The following PTPRT variants were observed in gnomAD, a reference collection of about 807,000 sequenced individuals.
PTPRT encodes the protein receptor-type tyrosine-protein phosphatase T.
PTPRT carries 56 observed loss-of-function variants against 176.8 expected under a neutral mutation model. The ratio of observed to expected loss-of-function variants is 0.32; its 90% CI spans 0.26 to 0.40. PTPRT has a LOEUF of 0.40. Ranked by LOEUF, PTPRT falls within the 10% of genes least tolerant of loss-of-function variation. PTPRT has a pLI of 1.00. For synonymous variants in PTPRT, 783 were observed against 739.0 expected, an observed-to-expected ratio of 1.06 and a Z score of -0.96; for missense variants, 1,540 against 1,908.2, an observed-to-expected ratio of 0.81 and a Z score of 3.60.
chr20:43,054,042 G>C (rs554142991), intron 1 of PTPRT, among the ~76,000 whole-genome samples: 1 of 152,186 alleles, frequency 6.6e-6, no homozygotes, highest in Admixed American at 6.5e-5. Flanking sequence ...TCAAACTCCA[G>C]AGTTGAAAAC....
intron 9 of PTPRT, among the ~76,000 whole-genome samples, chr20:42,428,409 G>A (rs2059185749): frequency 6.6e-6 from 1 of 152,200 alleles, no homozygotes; most frequent in South Asian, 2.1e-4. Context: ...TTTACAGACA[G>A]CCCTGTCCAT....
Position 42,299,713 on chromosome 20 carries a change from T to C in PTPRT, c.2139+16010A>G, listed in dbSNP as rs7362382. ...CCCAGGCTGGAGTGCAGTGGCGCTA[T>C]CTCATCTCACTGCAGCCTCCGCCTT... On this transcript the variant is annotated intron_variant, in intron 12 of 30. Coordinates refer to ENST00000373187, the MANE Select transcript of PTPRT (RefSeq NM_007050.6). Among the ~76,000 whole-genome samples the C allele has an allele frequency of 3.8e-3, 530 of 139,320 alleles. 3 individuals carry two copies. Among genetic ancestry groups the C allele is most frequent in the African/African-American group, 0.013 (484 of 37,146 alleles). 91.4% of individuals were successfully genotyped at this position (139,320 alleles called of 152,430 possible).
At chr20:42,869,686 G>A (rs938885788) in intron 2 of PTPRT, among the ~76,000 whole-genome samples, 9 of 152,178 alleles carry the variant, frequency 5.9e-5, no homozygotes, top group Non-Finnish European at 1.3e-4. Context: ...GCTGATACAG[G>A]AGTAAGACTT....
intron 1 of PTPRT, among the ~76,000 whole-genome samples, chr20:42,972,042 A>G (rs549723753): frequency 3.4e-4 from 52 of 151,602 alleles, no homozygotes; most frequent in South Asian, 1.0e-3. Flanking sequence ...TGACGTGGTT[A>G]TATGACAGTG....
At chr20:42,175,658 T>C (rs1432030500) in intron 16 of PTPRT, among the ~76,000 whole-genome samples, 1 of 147,186 alleles carries the variant, frequency 6.8e-6, no homozygotes, top group Non-Finnish European at 1.5e-5. Context: ...TTCTGTGTTT[T>C]TTTGCAAGTA....
the PTPRT span, among the ~76,000 whole-genome samples, chr20:42,033,318 G>A: frequency 6.6e-6 from 1 of 152,056 alleles, no homozygotes; most frequent in Non-Finnish European, 1.5e-5. Context: ...CTGCCTCAGG[G>A]GTTTTAATTT....
intron 7 of PTPRT, among the ~76,000 whole-genome samples, chr20:42,490,765 C>G (rs954025496): frequency 1.3e-5 from 2 of 152,034 alleles, no homozygotes; most frequent in African/African-American, 4.8e-5. Flanking sequence ...TCTCCCTGCT[C>G]CAAAAAGGAA....
At chr20:42,670,203 G>T (rs867717822) in intron 7 of PTPRT, among the ~76,000 whole-genome samples, 52 of 152,130 alleles carry the variant, frequency 3.4e-4, no homozygotes, top group African/African-American at 1.0e-3. Context: ...CCAGGCCTAA[G>T]ATTTATTTCT....
At chr20:42,310,630 T>A (rs900336451) in intron 12 of PTPRT, among the ~76,000 whole-genome samples, 1 of 152,236 alleles carries the variant, frequency 6.6e-6, no homozygotes, top group Non-Finnish European at 1.5e-5. Flanking sequence ...TGGAGATTTT[T>A]TTTTTGGCTT....
Position 42,110,492 on chromosome 20 carries a change from G to GGAAA in PTPRT, c.3100-9_3100-6dup. 1 of 1,596,472 alleles carries GGAAA rather than the reference G, an allele frequency of 6.3e-7. No homozygotes were observed. Among genetic ancestry groups the GGAAA allele is most frequent in the Non-Finnish European group, 8.6e-7 (1 of 1,169,376 alleles). ...CCGGATCTCATGGTAGCCTTTCTGA[G>GGAAA]GAAAGAACGGGCCTCTGTTCTTCCA... On this transcript the variant is annotated splice_region_variant and splice_polypyrimidine_tract_variant and intron_variant, in intron 22 of 30. Transcript: ENST00000373187.
intron 6 of PTPRT, among the ~76,000 whole-genome samples, chr20:42,742,268 C>G (rs1303984969): frequency 6.6e-6 from 1 of 152,216 alleles, no homozygotes; most frequent in East Asian, 1.9e-4. Context: ...GGGTATCTGT[C>G]CACTGCATAG....
chr20:42,738,293 C>T (rs2076565940), intron 6 of PTPRT, among the ~76,000 whole-genome samples: 1 of 152,052 alleles, frequency 6.6e-6, no homozygotes. Context: ...GAGTGGATCA[C>T]TTAAGGGCAG....
chr20:42,469,722 G>C (rs913288073), intron 8 of PTPRT, among the ~76,000 whole-genome samples: 1 of 150,326 alleles, frequency 6.7e-6, no homozygotes, highest in Non-Finnish European at 1.5e-5. Context: ...CCAAAGACCA[G>C]TGTGTGGGGT....
rs542060733 is a variant in PTPRT at position 42,259,819 on chromosome 20, C to A, written c.2177-10997G>T. Among the ~76,000 whole-genome samples, 8 of 152,274 alleles carry A rather than the reference C, an allele frequency of 5.3e-5. No individual in the cohort carries two copies. The South Asian group carries it at 1.7e-3, about 32-fold the overall frequency. On this transcript the variant is annotated intron_variant, in intron 13 of 30. Transcript: ENST00000373187. ...AACTTGCCCACAAGTGTGGCTTAGA[C>A]TTTATTCAGAAATAAAATGTAGCCC... is the stretch of plus-strand genomic sequence containing the variant.
intron 7 of PTPRT, among the ~76,000 whole-genome samples, chr20:42,662,944 C>T (rs1156442551): frequency 6.6e-6 from 1 of 151,514 alleles, no homozygotes; most frequent in East Asian, 1.9e-4. Flanking sequence ...TTTTGTGACC[C>T]ACAGTCTCAA....
chr20:42,127,352 C>A (rs924436170), intron 19 of PTPRT, among the ~76,000 whole-genome samples: 1 of 152,092 alleles, frequency 6.6e-6, no homozygotes, highest in African/African-American at 2.4e-5. Flanking sequence ...GAATACACTG[C>A]CCTTCCATCA....
intron 1 of PTPRT, among the ~76,000 whole-genome samples, chr20:43,040,282 T>C (rs1986551827): frequency 6.6e-6 from 1 of 152,186 alleles, no homozygotes; most frequent in African/African-American, 2.4e-5. Flanking sequence ...GAATGGAAGA[T>C]AAAAACTACA....
Position 42,945,431 on chromosome 20 carries a change from G to T in PTPRT, c.89-59499C>A, listed in dbSNP as rs532482111. The stretch of plus-strand genomic sequence containing the variant: ...GGAGGATTTAACCATGTCTGCCAGG[G>T]CGTCTGCTGTTTCTCCCGGGACTAA... On this transcript the variant is annotated intron_variant, in intron 1 of 30. Coordinates refer to ENST00000373187, the MANE Select transcript of PTPRT (RefSeq NM_007050.6). Among the ~76,000 whole-genome samples the T allele has an allele frequency of 2.8e-4, 43 of 152,310 alleles. No individual in the cohort carries two copies. In the South Asian group the frequency reaches 8.5e-3, roughly 30 times the overall value.
At chr20:42,738,846 C>T (rs2146286888) in intron 6 of PTPRT, among the ~76,000 whole-genome samples, 1 of 152,094 alleles carries the variant, frequency 6.6e-6, no homozygotes, top group South Asian at 2.1e-4. Flanking sequence ...ATGAGGTGGG[C>T]ACATTGCTTG....
Sources: allele counts gnomAD v4.1 joint callset (sites outside exome capture counted in the v4.1 genomes callset), GRCh38; gene constraint gnomAD v4.1.1; transcripts MANE v1.5; gene names NCBI Gene and HGNC (gene_info 2026-07-23, HGNC 2026-07-21).